NUBPL: variants seen among roughly 807,000 people sequenced by gnomAD.
NUBPL encodes the protein iron-sulfur cluster transfer protein NUBPL.
Under a neutral mutation model 45.7 loss-of-function variants are expected in NUBPL, and 31 were observed. The observed-to-expected ratio is 0.68, with a 90% CI of 0.51 to 0.92. The LOEUF (loss-of-function observed/expected upper bound fraction) is 0.92, where lower values mean the gene tolerates loss of function less well. Ranked by LOEUF, NUBPL falls within the 40% of genes least tolerant of loss-of-function variation. The probability of loss-of-function intolerance (pLI) is 0.00; values close to 1 mark genes in which losing one functional copy is unlikely to be tolerated. For synonymous variants in NUBPL, 144 were observed against 140.9 expected (o/e 1.02, Z -0.15); for missense variants, 401 against 398.7 (o/e 1.01, Z -0.05).
At chr14:31,625,405 T>C (rs1279752540) in intron 4 of NUBPL, among the ~76,000 whole-genome samples, 1 of 152,126 alleles carries the variant, frequency 6.6e-6, no homozygotes, top group African/African-American at 2.4e-5. Context: ...CTATTGAGTA[T>C]CTCTAGCCTA....
intron 4 of NUBPL, among the ~76,000 whole-genome samples, chr14:31,634,598 A>AT (rs2035436409): frequency 1.3e-5 from 2 of 152,140 alleles, no homozygotes; most frequent in Admixed American, 6.5e-5. Flanking sequence ...CTTTGGGTAT[A>AT]TACCCAGTAA....
At chr14:31,760,148 A>T (rs376807091) in intron 6 of NUBPL, among the ~76,000 whole-genome samples, 857 of 6,802 alleles carry the variant, frequency 0.13, 20 homozygotes, top group Middle Eastern at 0.17. Context: ...TGTGTGTGAG[A>T]GAGAGAGAGA....
At chr14:31,643,057 G>C (rs923823493) in intron 4 of NUBPL, among the ~76,000 whole-genome samples, 1 of 151,978 alleles carries the variant, frequency 6.6e-6, no homozygotes, top group African/African-American at 2.4e-5. Flanking sequence ...TTTTTTGGTG[G>C]AGTTTTTAGG....
intron 8 of NUBPL, among the ~76,000 whole-genome samples, chr14:31,834,449 G>A (rs1566589732): frequency 6.6e-6 from 1 of 152,094 alleles, no homozygotes; most frequent in Non-Finnish European, 1.5e-5. Flanking sequence ...AAAGTGCTGG[G>A]ATTACAGGCG....
chr14:31,680,434 A>T (rs898021203), intron 6 of NUBPL, among the ~76,000 whole-genome samples: 3 of 152,116 alleles, frequency 2.0e-5, no homozygotes, highest in African/African-American at 7.2e-5. Context: ...TGTTAATCAT[A>T]AATGTTGAAT....
intron 4 of NUBPL, among the ~76,000 whole-genome samples, chr14:31,648,137 A>C (rs148736970): frequency 1.7e-4 from 26 of 152,372 alleles, no homozygotes; most frequent in Non-Finnish European, 3.4e-4. Flanking sequence ...GATATTGAAC[A>C]AGATGAAAAA....
At chr14:31,594,879 G>T (rs1008921955) in intron 3 of NUBPL, among the ~76,000 whole-genome samples, 1 of 152,128 alleles carries the variant, frequency 6.6e-6, no homozygotes, top group African/African-American at 2.4e-5. Flanking sequence ...TAATATACAG[G>T]GAATCATGGG....
chr14:31,645,745 A>G (rs1595428063), intron 4 of NUBPL, among the ~76,000 whole-genome samples: 2 of 151,480 alleles, frequency 1.3e-5, no homozygotes, highest in Admixed American at 1.3e-4. Flanking sequence ...GAAACAAATA[A>G]AGAATTTTTT....
intron 3 of NUBPL, among the ~76,000 whole-genome samples, chr14:31,579,156 T>A (rs1313807158): frequency 1.3e-5 from 2 of 152,186 alleles, no homozygotes; most frequent in Non-Finnish European, 2.9e-5. Flanking sequence ...TGGAATGTTA[T>A]CTGGAGTGTG....
chr14:31,606,120 G>GTA (rs945541618), intron 4 of NUBPL, among the ~76,000 whole-genome samples: 1 of 113,556 alleles, frequency 8.8e-6, no homozygotes, highest in African/African-American at 3.6e-5. Context: ...TTTTTTGAGA[G>GTA]TATCACTCTG....
At chr14:31,743,537 G>A (rs1306429117) in intron 6 of NUBPL, among the ~76,000 whole-genome samples, 1 of 151,932 alleles carries the variant, frequency 6.6e-6, no homozygotes, top group East Asian at 1.9e-4. Flanking sequence ...GCACCACCAC[G>A]CCCAGCTAAT....
intron 4 of NUBPL, among the ~76,000 whole-genome samples, chr14:31,627,600 A>G (rs1009448391): frequency 1.3e-5 from 2 of 151,886 alleles, no homozygotes; most frequent in Non-Finnish European, 2.9e-5. Context: ...CCTTGTCTCT[A>G]CTAACAATAG....
At chr14:31,754,442 A>C (rs1186477025) in intron 6 of NUBPL, among the ~76,000 whole-genome samples, 1 of 152,170 alleles carries the variant, frequency 6.6e-6, no homozygotes, top group East Asian at 1.9e-4. Context: ...AACTATGAGA[A>C]TGCAATAAGT....
chr14:31,741,585 C>T (rs750798536), intron 6 of NUBPL, among the ~76,000 whole-genome samples: 22 of 152,128 alleles, frequency 1.4e-4, no homozygotes, highest in Non-Finnish European at 7.3e-5. Context: ...TGACATTCAC[C>T]GTGAGAACCT....
intron 4 of NUBPL, among the ~76,000 whole-genome samples, chr14:31,666,233 A>G (rs955119498): frequency 1.0e-4 from 1 of 9,616 alleles, no homozygotes; most frequent in African/African-American, 2.4e-4. Context: ...TTTAAGATAT[A>G]TATATATATA....
At chr14:31,849,849 C>T (rs2040509968) in intron 9 of NUBPL, among the ~76,000 whole-genome samples, 2 of 152,134 alleles carry the variant, frequency 1.3e-5, no homozygotes, top group Admixed American at 1.3e-4. Context: ...TGGAGACTTC[C>T]AGCAAAGAAT....
At chr14:31,637,910 C>T (rs543022240) in intron 4 of NUBPL, among the ~76,000 whole-genome samples, 32 of 152,226 alleles carry the variant, frequency 2.1e-4, no homozygotes, top group African/African-American at 5.3e-4. Flanking sequence ...AGGATTGCAA[C>T]GCCTGCCTTT....
intron 4 of NUBPL, among the ~76,000 whole-genome samples, chr14:31,603,190 T>C (rs922456774): frequency 1.3e-5 from 2 of 151,216 alleles, no homozygotes; most frequent in Non-Finnish European, 2.9e-5. Context: ...GTCCCTGATA[T>C]TCAGGGGACT....
At chr14:31,635,505 G>C (rs1286655011) in intron 4 of NUBPL, among the ~76,000 whole-genome samples, 1 of 152,010 alleles carries the variant, frequency 6.6e-6, no homozygotes. Context: ...TTGTAGTATA[G>C]TTTGAAGTCA....
Sources: allele counts gnomAD v4.1 joint callset (sites outside exome capture counted in the v4.1 genomes callset), GRCh38; gene constraint gnomAD v4.1.1; transcripts MANE v1.5; gene names NCBI Gene and HGNC (gene_info 2026-07-23, HGNC 2026-07-21).